ADGRL2: variants seen among roughly 807,000 people sequenced by gnomAD.
ADGRL2 encodes calcium-independent alpha-latrotoxin receptor 2.
ADGRL2 carries 44 observed loss-of-function variants against 157.4 expected under a neutral mutation model. The ratio of observed to expected loss-of-function variants is 0.28; its 90% CI spans 0.22 to 0.36. ADGRL2 has a LOEUF of 0.36. Among genes scored for constraint, ADGRL2 ranks in the 10% least tolerant of loss-of-function variants. The pLI, the probability that ADGRL2 is intolerant of heterozygous loss-of-function variation, is 1.00. For synonymous variants in ADGRL2, 585 were observed against 624.7 expected, an observed-to-expected ratio of 0.94 and a Z score of 0.95; for missense variants, 1,510 against 1,768.9, an observed-to-expected ratio of 0.85 and a Z score of 2.63.
intron 11 of ADGRL2, among the ~76,000 whole-genome samples, chr1:81,963,901 T>C (rs1201089569): frequency 6.6e-6 from 1 of 151,194 alleles, no homozygotes; most frequent in African/African-American, 2.4e-5. Flanking sequence ...TCAGTATGTA[T>C]TTATCAGTTG....
At chr1:81,582,668 T>C (rs2080940050) in intron 3 of ADGRL2, among the ~76,000 whole-genome samples, 1 of 152,154 alleles carries the variant, frequency 6.6e-6, no homozygotes, top group Non-Finnish European at 1.5e-5. Flanking sequence ...GGTTACAGAA[T>C]AGACCAATTT....
chr1:81,927,498 T>A (rs1015231784), intron 3 of ADGRL2, among the ~76,000 whole-genome samples: 2 of 152,038 alleles, frequency 1.3e-5, no homozygotes, highest in Non-Finnish European at 2.9e-5. Context: ...AAAAATTATA[T>A]TGTTTATTTT....
intron 1 of ADGRL2, among the ~76,000 whole-genome samples, chr1:81,819,209 G>T (rs2090733513): frequency 6.6e-6 from 1 of 152,154 alleles, no homozygotes; most frequent in Non-Finnish European, 1.5e-5. Flanking sequence ...AGAGGCAATG[G>T]CAGTAGACAG....
intron 3 of ADGRL2, among the ~76,000 whole-genome samples, chr1:81,654,953 C>T (rs368875950): frequency 1.3e-5 from 2 of 151,626 alleles, no homozygotes; most frequent in South Asian, 2.1e-4. Context: ...TCTGGTTTTG[C>T]TTTGTTTTGT....
At position 81,364,465 on chromosome 1, in the gene ADGRL2, T is replaced by C. The variant is rs191671225; in HGVS notation, c.-302+57956T>C. On this transcript the variant is annotated intron_variant, in intron 1 of 24. Coordinates refer to the ADGRL2 transcript ENST00000370721. ...AATTGGGTAGGTACGGAAGGTTAACTCTGTTGTCTGAACCCAACCATTCCT... is the reference window on the plus strand; with the variant it reads ...AATTGGGTAGGTACGGAAGGTTAACCCTGTTGTCTGAACCCAACCATTCCT... Among the ~76,000 whole-genome samples, 169 of 152,208 alleles carry C rather than the reference T, an allele frequency of 1.1e-3. 1 individual carries two copies. Among genetic ancestry groups the C allele is most frequent in the Non-Finnish European group, 4.1e-4 (28 of 68,008 alleles).
chr1:81,988,607 T>G (rs973605699), intron 23 of ADGRL2, among the ~76,000 whole-genome samples: 6 of 152,134 alleles, frequency 3.9e-5, no homozygotes, highest in Admixed American at 3.9e-4. Context: ...TGATACAAAT[T>G]TGTCAGTTTT....
Position 81,966,049 on chromosome 1 carries a change from C to G in ADGRL2, c.2018-9C>G. ...TTTCCCCACCTCCTTTATCTTTTCC[C>G]TCATCCAGTCCTGGAAGTTGCCGTA... On this transcript the variant is annotated splice_polypyrimidine_tract_variant and intron_variant, in intron 11 of 23. Transcript: ENST00000686636. 6.2e-7 allele frequency: 1 copy of G among 1,613,120 alleles called. No homozygotes were observed. Among genetic ancestry groups the G allele is most frequent in the Non-Finnish European group, 8.5e-7 (1 of 1,179,494 alleles).
intron 1 of ADGRL2, among the ~76,000 whole-genome samples, chr1:81,747,051 C>T (rs993030602): frequency 2.1e-5 from 3 of 143,458 alleles, no homozygotes; most frequent in South Asian, 2.2e-4. Flanking sequence ...TATGTATATA[C>T]GTATATACAC....
intron 3 of ADGRL2, among the ~76,000 whole-genome samples, chr1:81,663,832 T>C (rs1250972035): frequency 2.0e-5 from 3 of 152,212 alleles, no homozygotes; most frequent in Admixed American, 2.0e-4. Context: ...AAGAATTGGC[T>C]ACTTGTTCTC....
At chr1:81,765,855 T>C (rs141847185) in intron 2 of ADGRL2, among the ~76,000 whole-genome samples, 50 of 152,276 alleles carry the variant, frequency 3.3e-4, no homozygotes, top group Middle Eastern at 3.4e-3. Flanking sequence ...TTGTCATTAA[T>C]CTTAAAATTT....
At chr1:81,676,404 C>A (rs1030815064) in intron 3 of ADGRL2, among the ~76,000 whole-genome samples, 8 of 152,032 alleles carry the variant, frequency 5.3e-5, no homozygotes, top group South Asian at 2.1e-4. Flanking sequence ...TTCAAGTGAT[C>A]CTACCACCTC....
At chr1:81,347,924 C>T (rs924046324) in intron 1 of ADGRL2, among the ~76,000 whole-genome samples, 2 of 152,246 alleles carry the variant, frequency 1.3e-5, no homozygotes, top group East Asian at 3.9e-4. Flanking sequence ...GACCCTAAAG[C>T]TATTCAGCTG....
At chr1:81,543,841 T>C (rs1040002973) in intron 2 of ADGRL2, among the ~76,000 whole-genome samples, 1 of 152,212 alleles carries the variant, frequency 6.6e-6, no homozygotes, top group Non-Finnish European at 1.5e-5. Flanking sequence ...TTTTCTAAAC[T>C]CATCTCCTTT....
At chr1:81,313,483 G>T (rs1004160432) in intron 1 of ADGRL2, among the ~76,000 whole-genome samples, 7 of 152,250 alleles carry the variant, frequency 4.6e-5, no homozygotes, top group Middle Eastern at 3.4e-3. Context: ...CTCTTAAAAT[G>T]GCATGCCTGT....
chr1:81,990,955 C>T lies in ADGRL2; in HGVS notation c.4220C>T (p.Ser1407Phe). Residue 1407 changes from serine to phenylalanine, a missense_variant, in exon 24 of 24, where the codon TCC (serine) becomes TTC (phenylalanine). By Grantham distance (155) the Ser-to-Phe change is radical. This residue lies in a region of ADGRL2 where 327 missense variants were observed against 310.1 expected (regional missense o/e 1.05). Coordinates refer to ENST00000686636, the MANE Select transcript of ADGRL2 (RefSeq NM_001366006.2). ...SPDMEEDLSP[S>F]RRSENEDIYY... ...GACATGGAAGAAGACCTCTCTCCCT[C>T]CAGGAGGAGTGAGAATGAGGACATT... 1.9e-6 allele frequency: 3 copies of T among 1,614,050 alleles called. No homozygotes were observed. The highest frequency in any genetic ancestry group is 1.7e-6 in the Non-Finnish European group (2 of 1,179,990).
chr1:81,844,571 C>A (rs545327677), intron 2 of ADGRL2, among the ~76,000 whole-genome samples: 1 of 152,274 alleles, frequency 6.6e-6, no homozygotes. Flanking sequence ...ACTCTATTTT[C>A]TTTTCCCCTC....
chr1:81,864,211 A>G (rs1007618716), intron 2 of ADGRL2, among the ~76,000 whole-genome samples: 1 of 152,162 alleles, frequency 6.6e-6, no homozygotes, highest in Admixed American at 6.5e-5. Context: ...CTGTATATCC[A>G]TCTATTATAA....
intron 1 of ADGRL2, among the ~76,000 whole-genome samples, chr1:81,388,799 C>T (rs749278883): frequency 6.6e-6 from 1 of 152,110 alleles, no homozygotes; most frequent in Non-Finnish European, 1.5e-5. Flanking sequence ...TTTTTCAATG[C>T]ATCCCAAATA....
chr1:81,885,200 C>A (rs1165075041), intron 2 of ADGRL2, among the ~76,000 whole-genome samples: 1 of 152,078 alleles, frequency 6.6e-6, no homozygotes, highest in Admixed American at 6.5e-5. Context: ...TTGGCAATGT[C>A]TTTACTGTTA....
Sources: gnomAD v4.1 joint callset for allele counts (sites outside exome capture counted in the v4.1 genomes callset) on GRCh38, gnomAD v4.1.1 for gene constraint, gnomAD v4.1.1 regional missense constraint, MANE v1.5 for transcripts, NCBI Gene and HGNC (gene_info 2026-07-23, HGNC 2026-07-21) for gene names.